ST6GALNAC3: variants seen among roughly 807,000 people sequenced by gnomAD.
ST6GALNAC3 encodes ST6 N-acetylgalactosaminide alpha-2,6-sialyltransferase 3, also known as alpha-N-acetylgalactosaminide alpha-2,6-sialyltransferase 3.
ST6GALNAC3 carries 25 observed loss-of-function variants against 32.7 expected under a neutral mutation model. The observed-to-expected ratio is 0.76, with a 90% confidence interval of 0.56 to 1.07. The LOEUF is 1.07. ST6GALNAC3 is among the 50% of genes least tolerant of loss of function. The pLI is 0.00. For synonymous variants in ST6GALNAC3, 129 were observed against 133.1 expected (o/e 0.97, Z 0.21); for missense variants, 355 against 382.4 (o/e 0.93, Z 0.60).
intron 2 of ST6GALNAC3, among the ~76,000 whole-genome samples, chr1:76,386,355 C>T (rs1320580863): frequency 6.6e-6 from 1 of 152,140 alleles, no homozygotes; most frequent in Non-Finnish European, 1.5e-5. Context: ...AGGAACCCCA[C>T]AGGGTTGTTG....
intron 3 of ST6GALNAC3, among the ~76,000 whole-genome samples, chr1:76,615,915 G>A (rs1648260655): frequency 6.7e-6 from 1 of 150,268 alleles, no homozygotes; most frequent in Non-Finnish European, 1.5e-5. Context: ...CTCTGAGAGA[G>A]ATGGCCCTTA....
At chr1:76,259,977 G>A (rs1400670245) in intron 1 of ST6GALNAC3, among the ~76,000 whole-genome samples, 1 of 152,022 alleles carries the variant, frequency 6.6e-6, no homozygotes, top group East Asian at 1.9e-4. Context: ...TCTTGCTTTA[G>A]TTTTGCTTTC....
intron 1 of ST6GALNAC3, among the ~76,000 whole-genome samples, chr1:76,209,931 A>G (rs1300347376): frequency 6.6e-6 from 1 of 152,192 alleles, no homozygotes; most frequent in Non-Finnish European, 1.5e-5. Flanking sequence ...GTTATATTCA[A>G]ACAACTCTAT....
intron 3 of ST6GALNAC3, among the ~76,000 whole-genome samples, chr1:76,601,429 A>C (rs1647230804): frequency 6.6e-6 from 1 of 152,188 alleles, no homozygotes; most frequent in South Asian, 2.1e-4. Context: ...AAAAAGAGAA[A>C]ATTAAAGGGT....
chr1:76,543,254 A>T (rs760604252), intron 3 of ST6GALNAC3, among the ~76,000 whole-genome samples: 5 of 152,106 alleles, frequency 3.3e-5, no homozygotes, highest in Non-Finnish European at 7.4e-5. Context: ...TCTGACAACC[A>T]CTCACTCAGG....
intron 3 of ST6GALNAC3, among the ~76,000 whole-genome samples, chr1:76,547,359 A>T (rs1664357678): frequency 1.3e-5 from 2 of 152,226 alleles, no homozygotes; most frequent in Admixed American, 1.3e-4. Flanking sequence ...CAATGAAGTT[A>T]CCTCTTCCCA....
At position 76,634,082 on chromosome 1, in the gene ST6GALNAC3, G is replaced by T; in HGVS notation, c.*5276G>T. On this transcript the variant is annotated 3_prime_UTR_variant, in exon 5 of 5. Transcript: ENST00000328299. ...TTAACTACTTGTTTGTTTCTTTTCA[G>T]AATAGGCACTTTTTTTTGAGTAGAA... The T allele has an allele frequency of 1.2e-6, 1 of 840,506 alleles. No homozygotes were observed. The highest frequency in any genetic ancestry group is 1.4e-6 in the Non-Finnish European group (1 of 698,718). 52.1% of individuals were successfully genotyped at this position (840,506 alleles called of 1,614,324 possible). A position where few individuals can be genotyped will look rare whatever the true frequency, so the allele number is the denominator to read the frequency against.
chr1:76,217,799 A>G (rs1199004916), intron 1 of ST6GALNAC3, among the ~76,000 whole-genome samples: 1 of 152,214 alleles, frequency 6.6e-6, no homozygotes, highest in Non-Finnish European at 1.5e-5. Flanking sequence ...TACTTCACTT[A>G]GAATAGTAGT....
In ST6GALNAC3 at chr1:76,509,122, A is replaced by C. The variant is rs1661672145; in HGVS notation, c.623+96705A>C. ...GGAAACACCAACAGAGTTGTTCGTC[A>C]ATTGTTGATGTAGTGTAAAATGATT... On this transcript the variant is annotated intron_variant, in intron 3 of 4. Transcript: ENST00000328299. The surrounding 1 kb of genome is among the most constrained non-coding windows in gnomAD (Gnocchi z 5.5). Among the ~76,000 whole-genome samples, 1 of 152,200 alleles carries C rather than the reference A, an allele frequency of 6.6e-6. No individual in the cohort carries two copies. The highest frequency in any genetic ancestry group is 2.4e-5 in the African/African-American group (1 of 41,442).
intron 1 of ST6GALNAC3, among the ~76,000 whole-genome samples, chr1:76,116,476 A>G (rs764779301): frequency 1.3e-4 from 20 of 152,024 alleles, no homozygotes; most frequent in Non-Finnish European, 2.9e-4. Context: ...GTTTTAAGCT[A>G]CTCTGTGTCC....
intron 1 of ST6GALNAC3, among the ~76,000 whole-genome samples, chr1:76,155,309 A>C (rs1252888265): frequency 6.6e-6 from 1 of 152,160 alleles, no homozygotes; most frequent in Non-Finnish European, 1.5e-5. Context: ...AGCCATGAGT[A>C]CTACTGCTAC....
intron 3 of ST6GALNAC3, among the ~76,000 whole-genome samples, chr1:76,468,351 A>G (rs2101618941): frequency 6.6e-6 from 1 of 152,168 alleles, no homozygotes; most frequent in East Asian, 1.9e-4. Flanking sequence ...CACATTGAAG[A>G]GTCTGTTGTT....
intron 1 of ST6GALNAC3, among the ~76,000 whole-genome samples, chr1:76,175,529 T>C (rs1422991711): frequency 1.3e-5 from 2 of 151,792 alleles, no homozygotes; most frequent in Non-Finnish European, 2.9e-5. Context: ...ATAGTTTTTT[T>C]TTTTTTGGTG....
intron 2 of ST6GALNAC3, among the ~76,000 whole-genome samples, chr1:76,367,703 T>C (rs572632041): frequency 5.5e-4 from 84 of 152,216 alleles, no homozygotes; most frequent in African/African-American, 2.0e-3. Context: ...CAGCATTTTG[T>C]CTTAAGAGGG....
chr1:76,115,568 A>G (rs1410429889), intron 1 of ST6GALNAC3, among the ~76,000 whole-genome samples: 2 of 152,198 alleles, frequency 1.3e-5, no homozygotes, highest in African/African-American at 4.8e-5. Context: ...TCTGGTTTTC[A>G]GATGAGTGGC....
rs770970186 is a variant in ST6GALNAC3 at position 76,266,218 on chromosome 1, C to T, written c.19-47587C>T. ...TAGCTGCAGGGAACACAGTGATAAA[C>T]GAGGTAGAGATGGAGGCAGAGCACT... On this transcript the variant is annotated intron_variant, in intron 1 of 4. Coordinates refer to ENST00000328299, the MANE Select transcript of ST6GALNAC3 (RefSeq NM_152996.4). Among the ~76,000 whole-genome samples the T allele has an allele frequency of 2.4e-4, 37 of 152,298 alleles. 1 individual carries two copies. Among genetic ancestry groups the T allele is most frequent in the South Asian group, 2.1e-3 (10 of 4,824 alleles).
intron 1 of ST6GALNAC3, among the ~76,000 whole-genome samples, chr1:76,271,784 G>A (rs1658856956): frequency 6.6e-6 from 1 of 152,186 alleles, no homozygotes; most frequent in South Asian, 2.1e-4. Flanking sequence ...GGAACCCATT[G>A]CAAAAGTCCT....
At chr1:76,254,501 A>C (rs935393941) in intron 1 of ST6GALNAC3, among the ~76,000 whole-genome samples, 3 of 152,116 alleles carry the variant, frequency 2.0e-5, no homozygotes, top group Admixed American at 6.5e-5. Flanking sequence ...CATTGGATGA[A>C]ATTTCAAAAG....
At chr1:76,359,583 A>T (rs1649766005) in intron 2 of ST6GALNAC3, among the ~76,000 whole-genome samples, 1 of 152,138 alleles carries the variant, frequency 6.6e-6, no homozygotes, top group Non-Finnish European at 1.5e-5. Flanking sequence ...ATTGATCTCA[A>T]ACTATAGATT....
Sources: gnomAD v4.1 joint callset for allele counts (sites outside exome capture counted in the v4.1 genomes callset) on GRCh38, gnomAD v4.1.1 for gene constraint, Gnocchi (gnomAD v3.1) non-coding constraint, MANE v1.5 for transcripts, NCBI Gene and HGNC (gene_info 2026-07-23, HGNC 2026-07-21) for gene names.